The following NIBAN1 variants were observed in gnomAD, a reference collection of about 807,000 sequenced individuals.
NIBAN1 encodes niban apoptosis regulator 1.
Under a neutral mutation model 75.1 loss-of-function variants are expected in NIBAN1, and 81 were observed. That is an observed-to-expected ratio of 1.08 (90% confidence interval 0.90 to 1.30). The LOEUF is 1.30. Ranked by LOEUF, NIBAN1 falls within the 50% of genes most tolerant of loss-of-function variation. The pLI is 0.00. For missense variants in NIBAN1, 1,133 were observed against 1,128.1 expected (o/e 1.00, Z -0.06); for synonymous variants, 436 against 424.8 (o/e 1.03, Z -0.32).
chr1:184,925,132 T>C (rs1216652252), intron 1 of NIBAN1, among the ~76,000 whole-genome samples: 1 of 152,148 alleles, frequency 6.6e-6, no homozygotes, highest in Non-Finnish European at 1.5e-5. Flanking sequence ...AACCTCTTGC[T>C]GAATTGACCC....
chr1:184,795,275 C>T lies in NIBAN1; in HGVS notation c.2489G>A (p.Gly830Asp), dbSNP rs773178783. 6 of 1,612,796 alleles carry T rather than the reference C, an allele frequency of 3.7e-6. No homozygotes were observed. The African/African-American group carries it at 6.7e-5, about 18-fold the overall frequency. Residue 830 changes from glycine (G) to aspartate (D), a missense_variant, in exon 14 of 14, where the codon GGC (glycine) becomes GAC (aspartate). Coordinates refer to ENST00000367511, the MANE Select transcript of NIBAN1 (RefSeq NM_052966.4). ...GGCATCCCCTTCCTCGGTACACTTG[C>T]CCCCTCTTCCTTCATGGGCAGTGAG... Reference protein sequence around the residue: ...CTLTAHEGRGGKCTEEGDASQ... With the variant: ...CTLTAHEGRGDKCTEEGDASQ...
In NIBAN1 at chr1:184,855,646, C is replaced by T. The variant is rs562851756; in HGVS notation, c.602-23684G>A. Among the ~76,000 whole-genome samples, 5 of 152,294 alleles carry T rather than the reference C, an allele frequency of 3.3e-5. No homozygotes were observed. The East Asian group carries it at 9.6e-4, about 29-fold the overall frequency. The stretch of plus-strand genomic sequence containing the variant: ...CTCTACTATTTTTCCACAGCACTTG[C>T]TACATTCTGTCATGCTACATAATTT... On this transcript the variant is annotated intron_variant, in intron 5 of 13. Transcript: ENST00000367511.
chr1:184,843,816 T>TA (rs1258516057), intron 5 of NIBAN1, among the ~76,000 whole-genome samples: 1 of 152,176 alleles, frequency 6.6e-6, no homozygotes, highest in Non-Finnish European at 1.5e-5. Context: ...ATTCCCTCTT[T>TA]AAAAATGTGA....
At chr1:184,798,402 C>T (rs543563673) in intron 12 of NIBAN1, among the ~76,000 whole-genome samples, 21 of 152,272 alleles carry the variant, frequency 1.4e-4, no homozygotes, top group South Asian at 1.0e-3. Context: ...TGCCTGACCT[C>T]GACACATCTA....
At chr1:184,972,196 A>G (rs1262087166) in intron 1 of NIBAN1, among the ~76,000 whole-genome samples, 2 of 152,378 alleles carry the variant, frequency 1.3e-5, no homozygotes, top group East Asian at 1.9e-4. Flanking sequence ...TTTCAAATCT[A>G]TATTTCACTG....
At chr1:184,967,823 A>T (rs533227682) in intron 1 of NIBAN1, among the ~76,000 whole-genome samples, 1 of 152,316 alleles carries the variant, frequency 6.6e-6, no homozygotes, top group Non-Finnish European at 1.5e-5. Flanking sequence ...CAAGAGGGAA[A>T]GTCACTCTTT....
intron 5 of NIBAN1, among the ~76,000 whole-genome samples, chr1:184,836,393 C>T (rs1278690535): frequency 6.6e-6 from 1 of 152,208 alleles, no homozygotes; most frequent in Non-Finnish European, 1.5e-5. Flanking sequence ...AAATTCTTCA[C>T]ATCCTTATAA....
At chr1:184,882,551 A>G (rs997111127) in intron 5 of NIBAN1, among the ~76,000 whole-genome samples, 7 of 152,232 alleles carry the variant, frequency 4.6e-5, no homozygotes, top group African/African-American at 1.7e-4. Flanking sequence ...AACCAAGGAA[A>G]TATGACTAGA....
chr1:184,967,616 T>C (rs1571612976), intron 1 of NIBAN1, among the ~76,000 whole-genome samples: 1 of 152,130 alleles, frequency 6.6e-6, no homozygotes, highest in Non-Finnish European at 1.5e-5. Flanking sequence ...TACAATAAAG[T>C]AAAAAGCTCA....
chr1:184,824,491 C>T (rs1571494837), intron 6 of NIBAN1, among the ~76,000 whole-genome samples: 1 of 151,978 alleles, frequency 6.6e-6, no homozygotes, highest in Admixed American at 6.6e-5. Flanking sequence ...CCCCAAAAGG[C>T]CCCTGCTAAG....
At chr1:184,866,092 C>T (rs144486589) in intron 5 of NIBAN1, among the ~76,000 whole-genome samples, 3 of 152,248 alleles carry the variant, frequency 2.0e-5, no homozygotes, top group East Asian at 3.9e-4. Flanking sequence ...CACCCCTACA[C>T]TCAGTACTAA....
intron 1 of NIBAN1, among the ~76,000 whole-genome samples, chr1:184,970,759 G>A (rs1005763621): frequency 2.0e-5 from 3 of 152,172 alleles, no homozygotes; most frequent in African/African-American, 7.2e-5. Context: ...TTTATCCCAT[G>A]GTTTTCAGCT....
chr1:184,942,919 C>A (rs956490175), intron 1 of NIBAN1, among the ~76,000 whole-genome samples: 1 of 152,104 alleles, frequency 6.6e-6, no homozygotes, highest in Non-Finnish European at 1.5e-5. Flanking sequence ...CCATAAAAAT[C>A]CTCAATTATT....
At chr1:184,926,282 G>T (rs965631782) in intron 1 of NIBAN1, among the ~76,000 whole-genome samples, 3 of 152,156 alleles carry the variant, frequency 2.0e-5, no homozygotes, top group Non-Finnish European at 4.4e-5. Flanking sequence ...CTATCGCCCA[G>T]GCTGGAGTGC....
chr1:184,818,935 G>A (rs1654615290), intron 8 of NIBAN1, 110 bp from the exon 9 acceptor site: 1 of 1,263,708 alleles, frequency 7.9e-7, no homozygotes, highest in Non-Finnish European at 1.1e-6. Flanking sequence ...TAACAGCCAA[G>A]GCAAGCTCAA....
chr1:184,933,361 C>G (rs542903346), intron 1 of NIBAN1, among the ~76,000 whole-genome samples: 1 of 152,352 alleles, frequency 6.6e-6, no homozygotes, highest in South Asian at 2.1e-4. Context: ...AGCCACCAGT[C>G]TGACCTATCT....
rs200610489 is a variant in NIBAN1, at chr1:184,809,658, T to C, written c.1174-1423A>G. 1.1e-4 allele frequency among the ~76,000 whole-genome samples: 15 copies of C among 133,544 alleles called. No homozygotes were observed. The South Asian group carries it at 2.0e-3, about 18-fold the overall frequency. 87.6% of individuals were successfully genotyped at this position (133,544 alleles called of 152,430 possible). A position where few individuals can be genotyped will look rare whatever the true frequency, so the allele number is the denominator to read the frequency against. On this transcript the variant is annotated intron_variant, in intron 9 of 13. Transcript: ENST00000367511. ...GTGTGTGTGTATATATATATACACA[T>C]ATATATGTGTGTGTGTATATATATA...
At chr1:184,938,993 C>T (rs1457411284) in intron 1 of NIBAN1, among the ~76,000 whole-genome samples, 3 of 152,134 alleles carry the variant, frequency 2.0e-5, no homozygotes, top group Non-Finnish European at 4.4e-5. Flanking sequence ...CTAATTTATT[C>T]CTGAAGCAAA....
chr1:184,958,402 A>ACACACACACACACACAC (rs1557930915), intron 1 of NIBAN1, among the ~76,000 whole-genome samples: 3 of 149,468 alleles, frequency 2.0e-5, no homozygotes, highest in Non-Finnish European at 4.5e-5. Context: ...ACACACACAC[A>ACACACACACACACACAC]AATAGCCAAA....
Sources: allele counts gnomAD v4.1 joint callset (sites outside exome capture counted in the v4.1 genomes callset), GRCh38; gene constraint gnomAD v4.1.1; transcripts MANE v1.5; gene names NCBI Gene and HGNC (gene_info 2026-07-23, HGNC 2026-07-21).